LRBA: variants seen among roughly 807,000 people sequenced by gnomAD.
The protein encoded by LRBA is lipopolysaccharide-responsive and beige-like anchor protein.
LRBA carries 176 observed loss-of-function variants against 330.0 expected under a neutral mutation model. The ratio of observed to expected loss-of-function variants is 0.53; its 90% CI spans 0.47 to 0.60. The LOEUF (loss-of-function observed/expected upper bound fraction) is 0.60, where lower values mean the gene tolerates loss of function less well. Among genes scored for constraint, LRBA ranks in the 20% least tolerant of loss-of-function variants. The pLI, the probability that LRBA is intolerant of heterozygous loss-of-function variation, is 0.00. For missense variants in LRBA, 3,259 were observed against 3,444.8 expected, an observed-to-expected ratio of 0.95 and a Z score of 1.35; for synonymous variants, 1,230 against 1,193.0, an observed-to-expected ratio of 1.03 and a Z score of -0.64.
chr4:150,727,461 G>A (rs766334478), intron 36 of LRBA, among the ~76,000 whole-genome samples: 2 of 151,990 alleles, frequency 1.3e-5, no homozygotes, highest in Non-Finnish European at 2.9e-5. Context: ...CAGACCATAC[G>A]TTAGGTCACA....
chr4:150,266,214 G>A (rs1313582329), intron 56 of LRBA, among the ~76,000 whole-genome samples: 1 of 152,208 alleles, frequency 6.6e-6, no homozygotes, highest in Non-Finnish European at 1.5e-5. Context: ...GTAACTGCTG[G>A]TGGAAAGAAG....
rs868572272 is a variant in LRBA at position 150,489,239 on chromosome 4, C to T, written c.6449-1405G>A. Among the ~76,000 whole-genome samples, 429 of 51,768 alleles carry T rather than the reference C, an allele frequency of 8.3e-3. 17 individuals carry two copies. The highest frequency in any genetic ancestry group is 0.011 in the Non-Finnish European group (369 of 32,160). The allele number at this position is 51,768 out of a possible 152,430, so 34.0% of individuals were successfully genotyped here. On this transcript the variant is annotated intron_variant, in intron 41 of 56. Coordinates refer to ENST00000651943, the MANE Select transcript of LRBA (RefSeq NM_001364905.1). ...ACGAATATATAATATATTATATATA[C>T]GAATATATAATATATTATATATAAG...
intron 37 of LRBA, among the ~76,000 whole-genome samples, chr4:150,618,516 A>T (rs1775984355): frequency 6.6e-6 from 1 of 152,128 alleles, no homozygotes; most frequent in East Asian, 1.9e-4. Context: ...TTCTCTTTCA[A>T]CTCCTAATCT....
chr4:151,003,333 G>A (rs1345514267), intron 2 of LRBA, among the ~76,000 whole-genome samples: 1 of 149,420 alleles, frequency 6.7e-6, no homozygotes, highest in Non-Finnish European at 1.5e-5. Context: ...GGAGGCGAAG[G>A]TTACAGTGAG....
At chr4:150,904,321 C>G (rs1472138499) in intron 13 of LRBA, among the ~76,000 whole-genome samples, 1 of 152,146 alleles carries the variant, frequency 6.6e-6, no homozygotes, top group East Asian at 1.9e-4. Context: ...AAATTTGGAT[C>G]TGCCCTTTTT....
At chr4:150,591,046 G>T (rs1167219700) in intron 38 of LRBA, among the ~76,000 whole-genome samples, 187 bp from the exon 39 acceptor site, 1 of 152,098 alleles carries the variant, frequency 6.6e-6, no homozygotes, top group Non-Finnish European at 1.5e-5. Flanking sequence ...CCCCAACCTA[G>T]TCTAATGTTA....
intron 37 of LRBA, among the ~76,000 whole-genome samples, chr4:150,675,269 G>A (rs1388594015): frequency 6.6e-6 from 1 of 152,128 alleles, no homozygotes; most frequent in Non-Finnish European, 1.5e-5. Context: ...GAATGCCTGG[G>A]TTCAAATGTT....
chr4:150,291,109 C>T (rs1580915341), intron 53 of LRBA, among the ~76,000 whole-genome samples: 1 of 117,688 alleles, frequency 8.5e-6, no homozygotes, highest in Non-Finnish European at 1.7e-5. Flanking sequence ...CTCCCCCCTC[C>T]CCCCACCCCA....
At chr4:150,859,292 T>C (rs541596831) in intron 22 of LRBA, among the ~76,000 whole-genome samples, 1 of 152,276 alleles carries the variant, frequency 6.6e-6, no homozygotes, top group East Asian at 1.9e-4. Context: ...CTAGACAAAA[T>C]ACAGTATCTA....
In LRBA at chr4:150,268,059, C is replaced by CAA. The variant is rs199767343; in HGVS notation, c.8469-2249_8469-2248dup. Among the ~76,000 whole-genome samples the CAA allele has an allele frequency of 9.7e-3, 1,121 of 115,254 alleles. 40 individuals carry two copies. The highest frequency in any genetic ancestry group is 0.063 in the Admixed American group (714 of 11,392). The allele number at this position is 115,254 out of a possible 152,430, so 75.6% of individuals were successfully genotyped here. A position where few individuals can be genotyped will look rare whatever the true frequency, so the allele number is the denominator to read the frequency against. On this transcript the variant is annotated intron_variant, in intron 56 of 56. Transcript: ENST00000651943. ...TGGGTGATAGAGTGAGACTCCATCT[C>CAA]AAAAAAAAAAAAAAAATGACTCAAA...
intron 2 of LRBA, among the ~76,000 whole-genome samples, chr4:150,978,239 A>G: frequency 6.6e-6 from 1 of 152,264 alleles, no homozygotes; most frequent in East Asian, 1.9e-4. Context: ...ATGGAAGAAA[A>G]CAAGAGTCTC....
At chr4:150,708,785 A>G (rs1350136736) in intron 36 of LRBA, among the ~76,000 whole-genome samples, 1 of 151,860 alleles carries the variant, frequency 6.6e-6, no homozygotes, top group East Asian at 1.9e-4. Flanking sequence ...GAAAAGAATT[A>G]AAAAGGCTAT....
At chr4:150,605,371 T>C (rs1345120909) in intron 37 of LRBA, among the ~76,000 whole-genome samples, 1 of 152,234 alleles carries the variant, frequency 6.6e-6, no homozygotes, top group African/African-American at 2.4e-5. Flanking sequence ...CCATTTTCCA[T>C]CTCGCCCACT....
At chr4:150,422,884 G>A in intron 46 of LRBA, 1 of 974,262 alleles carries the variant, frequency 1.0e-6, no homozygotes, top group Non-Finnish European at 1.7e-6. Context: ...TAACATGGAG[G>A]CACTCAGGAC....
At chr4:150,695,198 T>C (rs1407045093) in intron 36 of LRBA, among the ~76,000 whole-genome samples, 2 of 152,180 alleles carry the variant, frequency 1.3e-5, no homozygotes, top group African/African-American at 4.8e-5. Flanking sequence ...AGTAATAACA[T>C]AAAATGTAAG....
chr4:150,720,692 ATT>A, intron 36 of LRBA, among the ~76,000 whole-genome samples: 1 of 152,222 alleles, frequency 6.6e-6, no homozygotes, highest in East Asian at 1.9e-4. Flanking sequence ...AATCTAAAAA[ATT>A]TTCTAAGAAC....
Position 150,803,567 on chromosome 4 carries a change from C to T in LRBA, c.5518+2704G>A, listed in dbSNP as rs372961874. 7.2e-5 allele frequency among the ~76,000 whole-genome samples: 11 copies of T among 152,224 alleles called. No homozygotes were observed. The East Asian group carries it at 9.6e-4, about 13-fold the overall frequency. On this transcript the variant is annotated intron_variant, in intron 33 of 56. Coordinates refer to ENST00000651943, the MANE Select transcript of LRBA (RefSeq NM_001364905.1). ...GTCACTGGCAAGGACAGAATGAAAACCAAAGTCTCCTGCCTTTTATATTAA... is the reference window on the plus strand; with the variant it reads ...GTCACTGGCAAGGACAGAATGAAAATCAAAGTCTCCTGCCTTTTATATTAA...
chr4:150,921,353 A>G, intron 4 of LRBA, 60 bp from the exon 5 acceptor site: 1 of 951,840 alleles, frequency 1.1e-6, no homozygotes, highest in Non-Finnish European at 1.7e-6. Flanking sequence ...AAAAAAACAC[A>G]TCTTTAATAT....
intron 46 of LRBA, among the ~76,000 whole-genome samples, chr4:150,425,388 T>C (rs557220005): frequency 1.3e-5 from 2 of 152,200 alleles, no homozygotes; most frequent in Non-Finnish European, 2.9e-5. Context: ...TTAATCTCTA[T>C]CACTTAATTA....
Sources: gnomAD v4.1 joint callset for allele counts (sites outside exome capture counted in the v4.1 genomes callset) on GRCh38, gnomAD v4.1.1 for gene constraint, MANE v1.5 for transcripts, NCBI Gene and HGNC (gene_info 2026-07-23, HGNC 2026-07-21) for gene names.